The following ADAMTS18 variants were observed in gnomAD, a reference collection of about 807,000 sequenced individuals.
ADAMTS18 encodes ADAM metallopeptidase with thrombospondin type 1 motif 18, also known as A disintegrin and metalloproteinase with thrombospondin motifs 18.
ADAMTS18 carries 157 observed loss-of-function variants against 165.9 expected under a neutral mutation model. The observed-to-expected ratio is 0.95, with a 90% CI of 0.83 to 1.08. The LOEUF is 1.08. Among genes scored for constraint, ADAMTS18 ranks in the 50% least tolerant of loss-of-function variants. The pLI is 0.00. For synonymous variants in ADAMTS18, 782 were observed against 578.2 expected, an observed-to-expected ratio of 1.35 and a Z score of -5.06; for missense variants, 2,040 against 1,534.0, an observed-to-expected ratio of 1.33 and a Z score of -5.51.
intron 9 of ADAMTS18, 83 bp downstream of exon 9, chr16:77,355,856 CT>C: frequency 1.3e-6 from 2 of 1,517,254 alleles, no homozygotes; most frequent in Non-Finnish European, 1.8e-6. Context: ...GGTATTTCCA[CT>C]GAGTATTCGT....
chr16:77,373,689 C>G (rs978857595), intron 3 of ADAMTS18, among the ~76,000 whole-genome samples: 2 of 152,050 alleles, frequency 1.3e-5, no homozygotes, highest in African/African-American at 4.8e-5. Context: ...TAACCAAACA[C>G]CATCTGTCCC....
chr16:77,324,971 G>C (rs1302487203), intron 13 of ADAMTS18, among the ~76,000 whole-genome samples: 1 of 151,806 alleles, frequency 6.6e-6, no homozygotes, highest in South Asian at 2.1e-4. Flanking sequence ...GGCTGATACT[G>C]AGCAAAGCTG....
chr16:77,326,092 G>T lies in ADAMTS18; in HGVS notation c.1860-54C>A, dbSNP rs1287154072. The T allele has an allele frequency of 2.6e-6, 4 of 1,531,590 alleles. No individual in the cohort carries two copies. In the African/African-American group the frequency reaches 5.5e-5, roughly 21 times the overall value. The allele number at this position is 1,531,590 out of a possible 1,614,324, so 94.9% of individuals were successfully genotyped here. A position where few individuals can be genotyped will look rare whatever the true frequency, so the allele number is the denominator to read the frequency against. ...TTAGTAATCAAAGGGCTCATTATTA[G>T]TCACATGCAATAATATGAAGAGAGG... On this transcript the variant is annotated intron_variant, in intron 12 of 22. Transcript: ENST00000282849.
chr16:77,284,508 T>C (rs549285171), intron 22 of ADAMTS18, among the ~76,000 whole-genome samples: 33 of 152,182 alleles, frequency 2.2e-4, no homozygotes, highest in Non-Finnish European at 3.7e-4. Flanking sequence ...AACAAAGGTC[T>C]TGGGCCCACC....
intron 10 of ADAMTS18, among the ~76,000 whole-genome samples, chr16:77,349,485 G>A (rs1000682283): frequency 2.4e-5 from 3 of 124,364 alleles, no homozygotes; most frequent in Non-Finnish European, 4.7e-5. Context: ...CAGTTTCACT[G>A]CATTTTTCCT....
At chr16:77,364,603 G>A (rs1010257709) in intron 4 of ADAMTS18, among the ~76,000 whole-genome samples, 1 of 147,696 alleles carries the variant, frequency 6.8e-6, no homozygotes, top group African/African-American at 2.5e-5. Flanking sequence ...TGGGTAGATG[G>A]ATGGAATGGA....
At chr16:77,337,827 A>G (rs2056333414) in intron 11 of ADAMTS18, among the ~76,000 whole-genome samples, 1 of 152,202 alleles carries the variant, frequency 6.6e-6, no homozygotes, top group Admixed American at 6.5e-5. Flanking sequence ...ACACATTCAC[A>G]TGAATAGGTA....
chr16:77,362,040 A>G lies in ADAMTS18; in HGVS notation c.1216+65T>C, dbSNP rs1259397574. On this transcript the variant is annotated intron_variant, in intron 7 of 22. Transcript: ENST00000282849. Reference sequence around the variant, plus strand: ...GGAACATAAGGGCTATCCATCATCCATAGAAAGTTTCCATACTGTGTTTTC... The same window carrying G: ...GGAACATAAGGGCTATCCATCATCCGTAGAAAGTTTCCATACTGTGTTTTC... 1.2e-5 allele frequency: 18 copies of G among 1,563,958 alleles called. No individual in the cohort carries two copies. In the Middle Eastern group the frequency reaches 9.3e-4, roughly 80 times the overall value.
chr16:77,370,259 A>G (rs1439767105), intron 3 of ADAMTS18, among the ~76,000 whole-genome samples: 1 of 152,208 alleles, frequency 6.6e-6, no homozygotes, highest in African/African-American at 2.4e-5. Flanking sequence ...AGAAAGAAAT[A>G]AAGGGCATTC....
intron 3 of ADAMTS18, among the ~76,000 whole-genome samples, chr16:77,419,035 G>C (rs1019081929): frequency 1.3e-5 from 2 of 152,146 alleles, no homozygotes; most frequent in African/African-American, 4.8e-5. Flanking sequence ...TGTAATCCCA[G>C]CTACTCAGAA....
At chr16:77,332,613 A>C (rs962384079) in intron 12 of ADAMTS18, among the ~76,000 whole-genome samples, 1 of 152,198 alleles carries the variant, frequency 6.6e-6, no homozygotes, top group Non-Finnish European at 1.5e-5. Flanking sequence ...CTATCGCCAA[A>C]ATCTGGGCTC....
chr16:77,361,693 G>A (rs1462078618), intron 7 of ADAMTS18, among the ~76,000 whole-genome samples: 2 of 152,142 alleles, frequency 1.3e-5, no homozygotes, highest in African/African-American at 4.8e-5. Context: ...AGACCAGCCT[G>A]GCCAACATGG....
At chr16:77,288,261 A>G (rs934127826) in intron 22 of ADAMTS18, among the ~76,000 whole-genome samples, 1 of 152,166 alleles carries the variant, frequency 6.6e-6, no homozygotes, top group East Asian at 1.9e-4. Context: ...TCTAGGCTGA[A>G]TCTTTCTTTG....
In ADAMTS18 at chr16:77,289,333, G is replaced by C. The variant is rs544500747; in HGVS notation, c.3481C>G (p.Leu1161Val). ...AGCACCGGAGGTTTCTGATGGAGCA[G>C]ACAACTTGAGGAAGGCCGGCCTTGC... ...VQQGRPSSSC[L>V]LHQKPPVLRA... Residue 1161 changes from leucine to valine, a missense_variant, in exon 22 of 23, where the codon CTG becomes GTG. Leu to Val is a conservative substitution (Grantham distance 32). Coordinates refer to ENST00000282849, the MANE Select transcript of ADAMTS18 (RefSeq NM_199355.4). The C allele has an allele frequency of 6.8e-6, 11 of 1,614,130 alleles. No individual in the cohort carries two copies. In the African/African-American group the frequency reaches 8.0e-5, roughly 12 times the overall value.
In ADAMTS18 at chr16:77,293,276, G is replaced by A. The variant is rs373085969; in HGVS notation, c.3007-18C>T. ...TTGGAACACTTGAGAAGACAAAAAA[G>A]TTCTATTTGCATTCCCATTAGGTTT... On this transcript the variant is annotated intron_variant, in intron 19 of 22. Transcript: ENST00000282849. The A allele has an allele frequency of 8.7e-6, 14 of 1,607,960 alleles. No homozygotes were observed. Among genetic ancestry groups the A allele is most frequent in the Non-Finnish European group, 1.0e-5 (12 of 1,175,798 alleles).
chr16:77,422,328 G>A (rs17688554), intron 3 of ADAMTS18, among the ~76,000 whole-genome samples: 2,010 of 152,024 alleles, frequency 0.013, 22 homozygotes, highest in Non-Finnish European at 0.022. Flanking sequence ...CACCGCAGAT[G>A]CCAGGTACCC....
At chr16:77,425,853 G>T (rs1222693955) in intron 3 of ADAMTS18, among the ~76,000 whole-genome samples, 1 of 152,098 alleles carries the variant, frequency 6.6e-6, no homozygotes, top group Non-Finnish European at 1.5e-5. Context: ...CACCAGCCTG[G>T]CCAAAATGAT....
chr16:77,415,732 A>G (rs1026405529), intron 3 of ADAMTS18, among the ~76,000 whole-genome samples: 1 of 151,850 alleles, frequency 6.6e-6, no homozygotes, highest in South Asian at 2.1e-4. Context: ...AGGCAAAAAA[A>G]AAAAAAAAAA....
intron 3 of ADAMTS18, among the ~76,000 whole-genome samples, chr16:77,410,275 G>C (rs2057444429): frequency 6.9e-6 from 1 of 144,230 alleles, no homozygotes; most frequent in South Asian, 2.2e-4. Flanking sequence ...CCCAAGAATT[G>C]GTTGCAACCC....
Sources: allele counts gnomAD v4.1 joint callset (sites outside exome capture counted in the v4.1 genomes callset), GRCh38; gene constraint gnomAD v4.1.1; transcripts MANE v1.5; gene names NCBI Gene and HGNC (gene_info 2026-07-23, HGNC 2026-07-21).